The following VTI1A variants were observed in gnomAD, a reference collection of about 807,000 sequenced individuals.
VTI1A encodes vesicle transport through interaction with t-SNAREs 1A.
In VTI1A, 22 loss-of-function variants were observed where a neutral mutation model predicts 34.9. That is an observed-to-expected ratio of 0.63 (90% CI 0.45 to 0.90). The LOEUF (loss-of-function observed/expected upper bound fraction) is 0.90. Ranked by LOEUF, VTI1A falls within the 40% of genes least tolerant of loss-of-function variation. The pLI, the probability that VTI1A is intolerant of heterozygous loss-of-function variation, is 0.00. For synonymous variants in VTI1A, 87 were observed against 97.3 expected (o/e 0.89, Z 0.62); for missense variants, 268 against 275.6 (o/e 0.97, Z 0.20).
At chr10:112,546,932 A>C (rs1448416353) in intron 5 of VTI1A, among the ~76,000 whole-genome samples, 1 of 152,170 alleles carries the variant, frequency 6.6e-6, no homozygotes, top group Non-Finnish European at 1.5e-5. Context: ...TAAAAAATAA[A>C]AATACGGATT....
chr10:112,469,386 G>A (rs192515064), intron 3 of VTI1A, among the ~76,000 whole-genome samples: 26 of 152,052 alleles, frequency 1.7e-4, no homozygotes, highest in Admixed American at 1.2e-3. Flanking sequence ...ATGGCTCCTT[G>A]GAGGGCCACA....
At chr10:112,594,333 A>C (rs558577792) in intron 5 of VTI1A, among the ~76,000 whole-genome samples, 1 of 152,304 alleles carries the variant, frequency 6.6e-6, no homozygotes, top group South Asian at 2.1e-4. Flanking sequence ...AGGAGAAGGA[A>C]ATAAAGGGTA....
Position 112,804,651 on chromosome 10 carries a change from G to T in VTI1A, c.561-10639G>T, listed in dbSNP as rs559883838. Among the ~76,000 whole-genome samples the T allele has an allele frequency of 2.6e-5, 4 of 152,074 alleles. No homozygotes were observed. The South Asian group carries it at 6.3e-4, about 24-fold the overall frequency. On this transcript the variant is annotated intron_variant, in intron 7 of 7. Transcript: ENST00000393077. ...TCCCGGCCCTGGCATTACTCTAATC[G>T]CGGCCTTTGTCGTGAGGCTTCTGTC...
chr10:112,547,099 G>A (rs375824576), intron 5 of VTI1A, among the ~76,000 whole-genome samples: 2 of 152,138 alleles, frequency 1.3e-5, no homozygotes, highest in African/African-American at 2.4e-5. Flanking sequence ...GGGCAACATG[G>A]TGAAACCCCA....
At chr10:112,810,954 G>GA (rs36018402) in intron 7 of VTI1A, among the ~76,000 whole-genome samples, 79,243 of 151,228 alleles carry the variant, frequency 0.52, 21,351 homozygotes, top group East Asian at 0.74. Flanking sequence ...TGTTCTTCAA[G>GA]AAAAAAAAAA....
At chr10:112,474,720 G>A (rs576010811) in intron 3 of VTI1A, among the ~76,000 whole-genome samples, 49 of 152,134 alleles carry the variant, frequency 3.2e-4, no homozygotes, top group African/African-American at 1.2e-3. Context: ...GCCTCCCAAA[G>A]TGCTGGGATT....
intron 7 of VTI1A, chr10:112,736,770 C>T: frequency 1.3e-6 from 2 of 1,537,726 alleles, no homozygotes; most frequent in Middle Eastern, 1.7e-4. Flanking sequence ...GCCCCAAAGG[C>T]TTGAACCAGA....
At chr10:112,805,638 A>G (rs1044978553) in intron 7 of VTI1A, among the ~76,000 whole-genome samples, 2 of 152,204 alleles carry the variant, frequency 1.3e-5, no homozygotes, top group African/African-American at 4.8e-5. Flanking sequence ...TCCTAAACCA[A>G]TGTGACCGGT....
At chr10:112,803,819 C>T (rs999978986) in intron 7 of VTI1A, among the ~76,000 whole-genome samples, 31 of 152,278 alleles carry the variant, frequency 2.0e-4, no homozygotes, top group Admixed American at 2.0e-3. Context: ...AGGCCTTTTC[C>T]AGGTCTAGCC....
intron 7 of VTI1A, among the ~76,000 whole-genome samples, chr10:112,746,137 G>A (rs1850886764): frequency 6.6e-6 from 1 of 152,092 alleles, no homozygotes; most frequent in Non-Finnish European, 1.5e-5. Flanking sequence ...TGAAGACTCT[G>A]GAATTTCATG....
chr10:112,506,282 T>C (rs1033188143), intron 3 of VTI1A, among the ~76,000 whole-genome samples: 2 of 152,176 alleles, frequency 1.3e-5, no homozygotes, highest in Admixed American at 6.5e-5. Flanking sequence ...TATAATCTTA[T>C]GAGACTGCCT....
At chr10:112,593,154 C>T (rs1324823309) in intron 5 of VTI1A, among the ~76,000 whole-genome samples, 1 of 152,140 alleles carries the variant, frequency 6.6e-6, no homozygotes, top group Non-Finnish European at 1.5e-5. Flanking sequence ...TAGGTTAGAC[C>T]AGTAGTTTTC....
chr10:112,707,954 G>T (rs1590096724), intron 7 of VTI1A, among the ~76,000 whole-genome samples: 1 of 152,152 alleles, frequency 6.6e-6, no homozygotes, highest in Non-Finnish European at 1.5e-5. Flanking sequence ...TGCAGTCCTG[G>T]TTGCACTTTA....
intron 7 of VTI1A, among the ~76,000 whole-genome samples, chr10:112,688,329 A>G (rs1848497441): frequency 6.6e-6 from 1 of 151,756 alleles, no homozygotes; most frequent in Non-Finnish European, 1.5e-5. Flanking sequence ...AAAGAAAAGG[A>G]AAAAAAATCA....
chr10:112,813,551 C>T (rs1455117782), intron 7 of VTI1A, among the ~76,000 whole-genome samples: 3 of 152,058 alleles, frequency 2.0e-5, no homozygotes, highest in African/African-American at 7.3e-5. Context: ...TCTGAAGGCT[C>T]CTGTCCCTCC....
At chr10:112,611,757 T>A (rs1589972403) in intron 5 of VTI1A, among the ~76,000 whole-genome samples, 1 of 100,864 alleles carries the variant, frequency 9.9e-6, no homozygotes, top group South Asian at 2.7e-4. Context: ...TTTTTTTTTT[T>A]TTGTGACGGA....
intron 7 of VTI1A, among the ~76,000 whole-genome samples, chr10:112,778,635 G>A (rs1368968933): frequency 6.6e-6 from 1 of 152,138 alleles, no homozygotes; most frequent in Non-Finnish European, 1.5e-5. Context: ...CTTGCAGTAT[G>A]AGTCACCTTA....
intron 4 of VTI1A, among the ~76,000 whole-genome samples, chr10:112,530,253 C>T (rs1019729052): frequency 2.0e-5 from 3 of 152,066 alleles, no homozygotes; most frequent in African/African-American, 7.2e-5. Context: ...ATCAGCTTTC[C>T]AAGGATTACT....
intron 7 of VTI1A, among the ~76,000 whole-genome samples, chr10:112,694,163 G>A (rs976126091): frequency 5.9e-5 from 9 of 152,068 alleles, no homozygotes; most frequent in Non-Finnish European, 8.8e-5. Context: ...CTGAGATCGC[G>A]CCACTGCACT....
Sources: allele counts gnomAD v4.1 joint callset (sites outside exome capture counted in the v4.1 genomes callset), GRCh38; gene constraint gnomAD v4.1.1; transcripts MANE v1.5; gene names NCBI Gene and HGNC (gene_info 2026-07-23, HGNC 2026-07-21).